The following GLYATL1 variants were observed in gnomAD, a reference collection of about 807,000 sequenced individuals.
GLYATL1 encodes the protein glycine N-acyltransferase-like protein 1.
A neutral mutation model predicts 20.0 loss-of-function variants in GLYATL1; 15 were observed. That is an observed-to-expected ratio of 0.75 (90% confidence interval 0.50 to 1.15). The LOEUF (loss-of-function observed/expected upper bound fraction) is 1.15, where lower values mean the gene tolerates loss of function less well. Among genes scored for constraint, GLYATL1 ranks in the 50% most tolerant of loss-of-function variants. GLYATL1 has a pLI of 0.00. For missense variants in GLYATL1, 380 were observed against 368.5 expected (o/e 1.03, Z -0.26); for synonymous variants, 151 against 131.5 (o/e 1.15, Z -1.01).
chr11:58,915,520 G>T (rs1438914731), intron 1 of GLYATL1, among the ~76,000 whole-genome samples: 1 of 152,160 alleles, frequency 6.6e-6, no homozygotes, highest in African/African-American at 2.4e-5. Flanking sequence ...CTGGCCAGCT[G>T]CTCTTTGCCT....
At chr11:58,952,547 A>C (rs1857071211) in intron 4 of GLYATL1, among the ~76,000 whole-genome samples, 1 of 152,134 alleles carries the variant, frequency 6.6e-6, no homozygotes, top group African/African-American at 2.4e-5. Flanking sequence ...TTTTGGCTAC[A>C]TTTTATTTTT....
At chr11:58,955,502 G>A (rs1476404744) in intron 6 of GLYATL1, 108 bp from the exon 7 acceptor site, 2 of 1,398,648 alleles carry the variant, frequency 1.4e-6, no homozygotes, top group African/African-American at 1.4e-5. Context: ...ACTTTGCAAT[G>A]GTGAGTCTTT....
chr11:58,935,750 A>G (rs953209931), upstream of GLYATL1: 4 of 152,086 alleles, frequency 2.6e-5, no homozygotes, highest in African/African-American at 9.7e-5. Flanking sequence ...CTTATCAAAC[A>G]CACACATATA....
rs1857329214 is a variant in GLYATL1, at chr11:58,955,445, A to G, written c.491+92A>G. The G allele has an allele frequency of 2.2e-6, 3 of 1,378,554 alleles. No homozygotes were observed. In the Admixed American group the frequency reaches 6.1e-5, roughly 28 times the overall value. 85.4% of individuals were successfully genotyped at this position (1,378,554 alleles called of 1,614,324 possible). On this transcript the variant is annotated intron_variant, in intron 6 of 6. Transcript: ENST00000532726. ...CAGTTTTGGAATGAAGAGAGGATGA[A>G]TTCATTCCTTGGGATGAATAAAGGT...
exon 2 of GLYATL1, chr11:58,907,279 CT>C (rs1565115028): frequency 2.2e-6 from 1 of 456,248 alleles, no homozygotes; most frequent in South Asian, 1.5e-5. Flanking sequence ...CTCTTGTCAC[CT>C]TGGTCTCTCA....
upstream of GLYATL1, among the ~76,000 whole-genome samples, chr11:58,923,084 C>T (rs1855346838): frequency 6.6e-6 from 1 of 152,172 alleles, no homozygotes; most frequent in East Asian, 1.9e-4. Flanking sequence ...CCTATTTCCT[C>T]CCAGTTATGG....
intron 1 of GLYATL1, among the ~76,000 whole-genome samples, chr11:58,916,738 G>T (rs1430759169): frequency 2.0e-5 from 3 of 152,210 alleles, no homozygotes; most frequent in East Asian, 1.9e-4. Flanking sequence ...AGTTGTCCTT[G>T]TTCTTGGCAT....
At chr11:58,945,007 T>C (rs2156322) in intron 2 of GLYATL1, among the ~76,000 whole-genome samples, 65,105 of 145,396 alleles carry the variant, frequency 0.45, 14,400 homozygotes, top group Admixed American at 0.51. Context: ...GTAAAAGTTA[T>C]TTTATATACA....
chr11:58,947,258 G>T, intron 3 of GLYATL1, 93 bp downstream of exon 3: 1 of 1,490,824 alleles, frequency 6.7e-7, no homozygotes, highest in Non-Finnish European at 8.9e-7. Flanking sequence ...CTGACTGTTT[G>T]CAGAGGGTTG....
upstream of GLYATL1, among the ~76,000 whole-genome samples, chr11:58,938,372 G>T (rs1190763895): frequency 6.6e-6 from 1 of 152,142 alleles, no homozygotes; most frequent in Admixed American, 6.5e-5. Flanking sequence ...ACATTCAGGG[G>T]TAGCCAGCTG....
chr11:58,909,421 T>C (rs1854986226), downstream of GLYATL1, among the ~76,000 whole-genome samples: 1 of 152,188 alleles, frequency 6.6e-6, no homozygotes, highest in African/African-American at 2.4e-5. Context: ...GAGGGCAGAA[T>C]GGATGAGACT....
chr11:58,929,933 C>G (rs1174319711), intron 1 of GLYATL1, among the ~76,000 whole-genome samples: 3 of 152,314 alleles, frequency 2.0e-5, no homozygotes, highest in South Asian at 2.1e-4. Context: ...GAGTCTGGAT[C>G]ATTTCTTTGT....
rs1245369493 is a variant in GLYATL1, at chr11:58,955,655, T to G, written c.537T>G (p.Ser179=). Residue 179 remains serine (S), a synonymous_variant, in exon 7 of 7, where the codon TCT becomes TCG. Coordinates refer to ENST00000532726, the MANE Select transcript of GLYATL1 (RefSeq NM_001389712.2). ...FKYAQLDVSY[S]GLVNDNWKRG... ...ATGCCCAGCTGGATGTCTCTTATTC[T>G]GGGCTGGTAAATGACAACTGGAAGC... The G allele has an allele frequency of 1.9e-6, 3 of 1,614,206 alleles. No homozygotes were observed. Among genetic ancestry groups the G allele is most frequent in the Non-Finnish European group, 2.5e-6 (3 of 1,180,028 alleles).
chr11:58,919,117 T>A (rs1192854791), intron 1 of GLYATL1, among the ~76,000 whole-genome samples: 1 of 152,260 alleles, frequency 6.6e-6, no homozygotes, highest in Non-Finnish European at 1.5e-5. Context: ...ATACAGTGTC[T>A]GTCAGACTTA....
intron 4 of GLYATL1, among the ~76,000 whole-genome samples, chr11:58,954,471 G>A (rs1266344250): frequency 6.6e-6 from 1 of 152,142 alleles, no homozygotes; most frequent in Non-Finnish European, 1.5e-5. Flanking sequence ...GGAGAAAGGT[G>A]AGGCATCTTA....
intron 6 of GLYATL1, 21 bp from the exon 7 acceptor site, chr11:58,955,587 GTC>G: frequency 1.9e-6 from 3 of 1,605,790 alleles, no homozygotes; most frequent in Middle Eastern, 1.7e-4. Context: ...GAAAGTTGTT[GTC>G]TTTCTTTTTG....
At chr11:58,922,551 C>T (rs1855334244) in intron 1 of GLYATL1, among the ~76,000 whole-genome samples, 1 of 152,192 alleles carries the variant, frequency 6.6e-6, no homozygotes, top group African/African-American at 2.4e-5. Context: ...TCCAATTCCT[C>T]CCTCTCCGGT....
At chr11:58,931,386 A>G (rs1041919987) in intron 1 of GLYATL1, among the ~76,000 whole-genome samples, 7 of 152,212 alleles carry the variant, frequency 4.6e-5, no homozygotes. Flanking sequence ...TTGAGGTACT[A>G]GGGGTTAGGA....
downstream of GLYATL1, among the ~76,000 whole-genome samples, chr11:58,909,000 G>T (rs1383244589): frequency 6.6e-6 from 1 of 152,144 alleles, no homozygotes; most frequent in East Asian, 1.9e-4. Flanking sequence ...TCAGAGCAAG[G>T]ATCTGAACCC....
Sources: allele counts gnomAD v4.1 joint callset (sites outside exome capture counted in the v4.1 genomes callset), GRCh38; gene constraint gnomAD v4.1.1; transcripts MANE v1.5; gene names NCBI Gene and HGNC (gene_info 2026-07-23, HGNC 2026-07-21).